DOCK1: variants seen among roughly 807,000 people sequenced by gnomAD.
The protein encoded by DOCK1 is dedicator of cytokinesis 1.
Under a neutral mutation model 262.7 loss-of-function variants are expected in DOCK1, and 138 were observed. The observed-to-expected ratio is 0.53, with a 90% CI of 0.46 to 0.61. The LOEUF is 0.61. Ranked by LOEUF, DOCK1 falls within the 20% of genes least tolerant of loss-of-function variation. The pLI is 0.00. For missense variants in DOCK1, 1,908 were observed against 2,370.7 expected (o/e 0.80, Z 4.05); for synonymous variants, 866 against 867.4 (o/e 1.00, Z 0.03).
At chr10:127,084,631 G>A (rs2047091055) in intron 23 of DOCK1, among the ~76,000 whole-genome samples, 1 of 152,218 alleles carries the variant, frequency 6.6e-6, no homozygotes, top group Non-Finnish European at 1.5e-5. Context: ...TGCACAAAAT[G>A]TACTTTGCTA....
chr10:127,190,676 C>A lies in DOCK1; in HGVS notation c.2848-57332C>A, dbSNP rs1275515103. ...TAGAAATCCTATCTTCCCCCCCCCC[C>A]CCCCCCCGTTCCTGCTGGCTCCCAG... On this transcript the variant is annotated intron_variant, in intron 27 of 51. Coordinates refer to ENST00000623213, the MANE Select transcript of DOCK1 (RefSeq NM_001290223.2). Among the ~76,000 whole-genome samples the A allele has an allele frequency of 1.9e-4, 9 of 47,548 alleles. 3 individuals are homozygous for A. The highest frequency in any genetic ancestry group is 2.0e-3 in the East Asian group (2 of 996). The allele number at this position is 47,548 out of a possible 152,430, so 31.2% of individuals were successfully genotyped here.
At chr10:127,077,934 A>C (rs952700459) in intron 23 of DOCK1, among the ~76,000 whole-genome samples, 1 of 151,884 alleles carries the variant, frequency 6.6e-6, no homozygotes, top group African/African-American at 2.4e-5. Flanking sequence ...GGAGAAGGAC[A>C]GTGGAAGGAG....
intron 37 of DOCK1, among the ~76,000 whole-genome samples, chr10:127,384,210 T>A (rs1050429267): frequency 6.6e-6 from 1 of 152,220 alleles, no homozygotes; most frequent in African/African-American, 2.4e-5. Flanking sequence ...GCCTTCCCTC[T>A]GGCATGTCTC....
In DOCK1 at chr10:127,201,532, A is replaced by G. The variant is rs542198524; in HGVS notation, c.2848-46476A>G. Reference sequence around the variant, plus strand: ...GATCCCTGGCTTTCTATGATGCATCATTGTGAATCTGATTTATCCACAGAA... The same window carrying G: ...GATCCCTGGCTTTCTATGATGCATCGTTGTGAATCTGATTTATCCACAGAA... On this transcript the variant is annotated intron_variant, in intron 27 of 51. Coordinates refer to ENST00000623213, the MANE Select transcript of DOCK1 (RefSeq NM_001290223.2). Among the ~76,000 whole-genome samples, 24 of 152,336 alleles carry G rather than the reference A, an allele frequency of 1.6e-4. 1 individual carries two copies. The highest frequency in any genetic ancestry group is 9.1e-4 in the Admixed American group (14 of 15,310).
Position 127,409,030 on chromosome 10 carries a change from T to C in DOCK1, c.4123-7T>C. 1 of 1,576,584 alleles carries C rather than the reference T, an allele frequency of 6.3e-7. No homozygotes were observed. Among genetic ancestry groups the C allele is most frequent in the South Asian group, 1.2e-5 (1 of 86,076 alleles). On this transcript the variant is annotated splice_region_variant and splice_polypyrimidine_tract_variant and intron_variant, in intron 40 of 51. Transcript: ENST00000623213. ...TGGTGTTATGAAATGAATGTCACCC[T>C]TTTCAGGGAAAAGTTTTCATTTACC...
intron 31 of DOCK1, among the ~76,000 whole-genome samples, chr10:127,350,267 TA>T (rs34989670): frequency 2.6e-5 from 4 of 151,274 alleles, no homozygotes; most frequent in Non-Finnish European, 4.4e-5. Context: ...GGGGACGCTT[TA>T]AAAAAAACCT....
chr10:127,431,076 G>T (rs1213295880), intron 47 of DOCK1, among the ~76,000 whole-genome samples: 1 of 152,206 alleles, frequency 6.6e-6, no homozygotes, highest in Non-Finnish European at 1.5e-5. Context: ...GTGCTCAGGA[G>T]GAAGCTGGGG....
At chr10:127,449,537 C>T (rs11018103) in intron 51 of DOCK1, among the ~76,000 whole-genome samples, 1 of 151,976 alleles carries the variant, frequency 6.6e-6, no homozygotes, top group Non-Finnish European at 1.5e-5. Flanking sequence ...TGATAAAGGG[C>T]GTGTGAATTC....
intron 47 of DOCK1, among the ~76,000 whole-genome samples, chr10:127,432,447 A>G (rs1484467750): frequency 1.3e-5 from 2 of 151,984 alleles, no homozygotes; most frequent in Non-Finnish European, 2.9e-5. Context: ...GGGGAAGTCA[A>G]CGCCACACAG....
intron 1 of DOCK1, among the ~76,000 whole-genome samples, chr10:126,949,027 C>T (rs1222140295): frequency 6.6e-6 from 1 of 152,126 alleles, no homozygotes; most frequent in South Asian, 2.1e-4. Flanking sequence ...TTCGTCTTTG[C>T]TTTGGTTCCC....
intron 12 of DOCK1, chr10:127,015,965 C>A (rs569666442): frequency 6.6e-6 from 1 of 152,422 alleles, no homozygotes; most frequent in Non-Finnish European, 1.5e-5. Flanking sequence ...GAGGACAGGC[C>A]TGCAGTTCCC....
chr10:127,257,399 A>G lies in DOCK1; in HGVS notation c.3014A>G (p.Asp1005Gly). 6.2e-7 allele frequency: 1 copy of G among 1,607,548 alleles called. No individual in the cohort carries two copies. The highest frequency in any genetic ancestry group is 8.5e-7 in the Non-Finnish European group (1 of 1,176,672). ...ATTGGAAAGAACGTTTACCCCTTCG[A>G]CTGGGTGATCATGAACATGGTGCAA... ...NLIGKNVYPF[D>G]WVIMNMVQNK... is the part of the protein sequence containing the mutation. Residue 1005 changes from aspartate to glycine, a missense_variant, in exon 29 of 52, where the codon GAC becomes GGC. Physicochemically the swap from Asp to Gly is moderately conservative, Grantham distance 94. Around this residue, in one of 9 missense-constraint regions of DOCK1, gnomAD observed 518 missense variants for 575.1 expected, o/e 0.90. Transcript: ENST00000623213.
At chr10:126,981,687 TC>T (rs1465955758) in intron 3 of DOCK1, among the ~76,000 whole-genome samples, 3 of 152,222 alleles carry the variant, frequency 2.0e-5, no homozygotes, top group African/African-American at 7.2e-5. Context: ...GTGGACTTTT[TC>T]CTTTGCAAGT....
At chr10:127,415,884 A>G (rs958896803) in intron 44 of DOCK1, among the ~76,000 whole-genome samples, 26 of 149,282 alleles carry the variant, frequency 1.7e-4, no homozygotes, top group Admixed American at 1.7e-3. Context: ...GGCCAAGGCA[A>G]CTGGCAATAT....
chr10:126,971,161 A>G (rs1017779994), intron 2 of DOCK1, among the ~76,000 whole-genome samples: 13 of 151,108 alleles, frequency 8.6e-5, no homozygotes, highest in Non-Finnish European at 2.9e-5. Context: ...AGTGACTCTC[A>G]TGCTTTAGCC....
At chr10:127,362,928 TGCACATC>T (rs2064623950) in intron 33 of DOCK1, among the ~76,000 whole-genome samples, 3 of 51,362 alleles carry the variant, frequency 5.8e-5, no homozygotes, top group African/African-American at 1.8e-4. Flanking sequence ...CATATACACA[TGCACATC>T]CCCCCACACA....
intron 37 of DOCK1, among the ~76,000 whole-genome samples, chr10:127,383,312 T>C (rs1212548761): frequency 6.6e-6 from 1 of 152,210 alleles, no homozygotes; most frequent in Non-Finnish European, 1.5e-5. Flanking sequence ...CAAAAGTGAT[T>C]TAAAAATGCA....
intron 27 of DOCK1, among the ~76,000 whole-genome samples, chr10:127,188,044 G>A (rs897754239): frequency 5.3e-5 from 8 of 152,312 alleles, no homozygotes; most frequent in East Asian, 1.9e-4. Flanking sequence ...TTGACTGAAC[G>A]AAGGGCTTAA....
At chr10:127,194,485 G>A (rs1233235376) in intron 27 of DOCK1, among the ~76,000 whole-genome samples, 1 of 152,250 alleles carries the variant, frequency 6.6e-6, no homozygotes, top group Non-Finnish European at 1.5e-5. Flanking sequence ...ATAGTACAGT[G>A]TGGGGGAATA....
Sources: gnomAD v4.1 joint callset for allele counts (sites outside exome capture counted in the v4.1 genomes callset) on GRCh38, gnomAD v4.1.1 for gene constraint, gnomAD v4.1.1 regional missense constraint, MANE v1.5 for transcripts, NCBI Gene and HGNC (gene_info 2026-07-23, HGNC 2026-07-21) for gene names.